Variants in SPTLC3 observed in about 807,000 individuals in gnomAD.
The protein encoded by SPTLC3 is serine palmitoyltransferase long chain base subunit 3, also known as serine palmitoyltransferase 3.
A neutral mutation model predicts 59.3 loss-of-function variants in SPTLC3; 36 were observed. The ratio of observed to expected loss-of-function variants is 0.61; its 90% CI spans 0.47 to 0.80. The LOEUF is 0.80. Ranked by LOEUF, SPTLC3 falls within the 30% of genes least tolerant of loss-of-function variation. The pLI, the probability that SPTLC3 is intolerant of heterozygous loss-of-function variation, is 0.00. For synonymous variants in SPTLC3, 257 were observed against 240.8 expected (o/e 1.07, Z -0.62); for missense variants, 625 against 685.1 (o/e 0.91, Z 0.98).
intron 4 of SPTLC3, among the ~76,000 whole-genome samples, chr20:13,079,524 T>C (rs8113891): frequency 0.28 from 41,807 of 151,952 alleles, 5,910 homozygotes; most frequent in Middle Eastern, 0.35. Flanking sequence ...TCAAAATAAA[T>C]GAGTGAATGA....
Position 13,091,162 on chromosome 20 carries a change from G to T in SPTLC3, c.687G>T (p.Met229Ile), listed in dbSNP as rs1326769995. Residue 229 changes from methionine to isoleucine, a missense_variant, in exon 5 of 12, where the codon ATG becomes ATT. Physicochemically the swap from Met to Ile is conservative, Grantham distance 10. Coordinates refer to ENST00000399002, the MANE Select transcript of SPTLC3 (RefSeq NM_018327.4). ...TGGAAGCAGCTATGGTCTTTGGGAT[G>T]GGATTCGCAACTAACTCAATGAATA... ...LNVEAAMVFG[M>I]GFATNSMNIP... The T allele has an allele frequency of 6.2e-7, 1 of 1,613,942 alleles. No individual in the cohort carries two copies. Among genetic ancestry groups the T allele is most frequent in the Non-Finnish European group, 8.5e-7 (1 of 1,179,890 alleles).
At chr20:13,150,572 CTA>C (rs1339380471) in intron 9 of SPTLC3, among the ~76,000 whole-genome samples, 2 of 152,210 alleles carry the variant, frequency 1.3e-5, no homozygotes, top group African/African-American at 4.8e-5. Flanking sequence ...CCAAGGAACA[CTA>C]TTCTATGTCC....
At chr20:13,142,200 C>A (rs780939309) in intron 9 of SPTLC3, among the ~76,000 whole-genome samples, 27 of 152,186 alleles carry the variant, frequency 1.8e-4, no homozygotes, top group Non-Finnish European at 3.4e-4. Context: ...TAAAGAGAAT[C>A]TGTGTGTCTT....
chr20:13,030,119 T>C (rs1986361858), intron 1 of SPTLC3, among the ~76,000 whole-genome samples: 1 of 152,192 alleles, frequency 6.6e-6, no homozygotes, highest in Non-Finnish European at 1.5e-5. Flanking sequence ...CAGAACCACA[T>C]TGCATGTGCC....
intron 4 of SPTLC3, among the ~76,000 whole-genome samples, chr20:13,080,369 G>A (rs1026604947): frequency 2.6e-5 from 4 of 151,984 alleles, no homozygotes; most frequent in Admixed American, 2.6e-4. Flanking sequence ...TTAGCTGGAT[G>A]TGGTGGCATG....
At chr20:13,141,215 G>T (rs2038375201) in intron 9 of SPTLC3, among the ~76,000 whole-genome samples, 1 of 152,174 alleles carries the variant, frequency 6.6e-6, no homozygotes, top group South Asian at 2.1e-4. Flanking sequence ...ATAAGACATT[G>T]ATTGTCTTCA....
At chr20:13,044,286 G>A (rs1987132955) in intron 1 of SPTLC3, among the ~76,000 whole-genome samples, 1 of 151,906 alleles carries the variant, frequency 6.6e-6, no homozygotes, top group Admixed American at 6.6e-5. Flanking sequence ...TTTTTTAGTA[G>A]AGACAGAGTT....
At chr20:13,097,790 G>A (rs1211249929) in intron 6 of SPTLC3, among the ~76,000 whole-genome samples, 1 of 152,136 alleles carries the variant, frequency 6.6e-6, no homozygotes, top group African/African-American at 2.4e-5. Flanking sequence ...AATACCATAA[G>A]AGACAGTGAA....
At chr20:13,026,208 T>C (rs974727482) in intron 1 of SPTLC3, among the ~76,000 whole-genome samples, 18 of 152,238 alleles carry the variant, frequency 1.2e-4, no homozygotes, top group Non-Finnish European at 1.5e-4. Context: ...TGTTTCTTTA[T>C]GGTAGAACAA....
At chr20:13,073,572 A>G (rs1338677701) in intron 3 of SPTLC3, 1 of 185,586 alleles carries the variant, frequency 5.4e-6, no homozygotes, top group African/African-American at 2.4e-5. Context: ...ATGATAATGA[A>G]CTTGGTGGAA....
intron 9 of SPTLC3, among the ~76,000 whole-genome samples, chr20:13,135,694 T>C (rs1332604665): frequency 6.6e-6 from 1 of 152,234 alleles, no homozygotes; most frequent in Admixed American, 6.5e-5. Context: ...AATACAACAC[T>C]TAACCAGAGA....
chr20:13,030,806 C>T (rs1986403721), intron 1 of SPTLC3, among the ~76,000 whole-genome samples: 1 of 152,102 alleles, frequency 6.6e-6, no homozygotes, highest in Non-Finnish European at 1.5e-5. Flanking sequence ...ACTTTTTATT[C>T]CTGGTAAACT....
chr20:13,027,895 G>A (rs140564117), intron 1 of SPTLC3, among the ~76,000 whole-genome samples: 117 of 152,160 alleles, frequency 7.7e-4, no homozygotes, highest in Non-Finnish European at 1.3e-3. Context: ...ATTTACCTTT[G>A]TCATCACATC....
rs770690336 is a variant in SPTLC3 at position 13,110,201 on chromosome 20, G to C, written c.916G>C (p.Val306Leu). ...RRAWKKILIL[V>L]EGVYSMEGSI... ...AGCTTGGAAAAAGATTCTCATCCTGGTGGAGGGTGTCTACAGGTATGTAAA... is the reference window on the plus strand; with the variant it reads ...AGCTTGGAAAAAGATTCTCATCCTGCTGGAGGGTGTCTACAGGTATGTAAA... The change falls in exon 7 of 12, where the codon GTG becomes CTG. Residue 306 changes from valine to leucine, a missense_variant. Transcript: ENST00000399002. The C allele has an allele frequency of 3.1e-6, 5 of 1,613,618 alleles. No individual in the cohort carries two copies. The South Asian group carries it at 3.3e-5, about 11-fold the overall frequency.
At chr20:13,119,455 C>T (rs969584509) in intron 8 of SPTLC3, among the ~76,000 whole-genome samples, 1 of 152,180 alleles carries the variant, frequency 6.6e-6, no homozygotes, top group African/African-American at 2.4e-5. Flanking sequence ...CTTGTCCACA[C>T]AATTTCTATT....
At chr20:13,023,706 T>C (rs776092211) in intron 1 of SPTLC3, among the ~76,000 whole-genome samples, 5 of 152,186 alleles carry the variant, frequency 3.3e-5, no homozygotes, top group Non-Finnish European at 7.3e-5. Flanking sequence ...AGTCATTAGA[T>C]TACTTTGGTG....
At chr20:13,120,529 T>C (rs1990844523) in intron 8 of SPTLC3, among the ~76,000 whole-genome samples, 1 of 152,182 alleles carries the variant, frequency 6.6e-6, no homozygotes, top group South Asian at 2.1e-4. Context: ...TTAACTCTCT[T>C]TTTAAGTGAT....
rs112088036 is a variant in SPTLC3, at chr20:13,020,347, T to TAA, written c.117+10974_117+10975dup. 8.4e-4 allele frequency among the ~76,000 whole-genome samples: 80 copies of TAA among 95,094 alleles called. No homozygotes were observed. In the South Asian group the frequency reaches 9.5e-3, roughly 11 times the overall value. 62.4% of individuals were successfully genotyped at this position (95,094 alleles called of 152,430 possible). On this transcript the variant is annotated intron_variant, in intron 1 of 11. Coordinates refer to ENST00000399002, the MANE Select transcript of SPTLC3 (RefSeq NM_018327.4). ...GGAAACATGGCAAGACCCCATTTCT[T>TAA]AAAAAAAAAAAAGAAAAAAAAGAAA...
At chr20:13,076,603 A>G (rs1389778532) in intron 4 of SPTLC3, among the ~76,000 whole-genome samples, 1 of 149,526 alleles carries the variant, frequency 6.7e-6, no homozygotes, top group African/African-American at 2.5e-5. Flanking sequence ...AACTTAGATG[A>G]CAGATATTAT....
Sources: allele counts gnomAD v4.1 joint callset (sites outside exome capture counted in the v4.1 genomes callset), GRCh38; gene constraint gnomAD v4.1.1; transcripts MANE v1.5; gene names NCBI Gene and HGNC (gene_info 2026-07-23, HGNC 2026-07-21).